Variants in AMBRA1 observed in about 807,000 individuals in gnomAD.
AMBRA1 encodes the protein autophagy and beclin 1 regulator 1, also known as activating molecule in BECN1-regulated autophagy protein 1.
AMBRA1 carries 47 observed loss-of-function variants against 125.4 expected under a neutral mutation model. The ratio of observed to expected loss-of-function variants is 0.37; its 90% CI spans 0.30 to 0.48. AMBRA1 has a LOEUF of 0.48. Among genes scored for constraint, AMBRA1 ranks in the 20% least tolerant of loss-of-function variants. The probability of loss-of-function intolerance (pLI) is 0.99; values close to 1 mark genes in which losing one functional copy is unlikely to be tolerated. For missense variants in AMBRA1, 1,331 were observed against 1,693.4 expected, an observed-to-expected ratio of 0.79 and a Z score of 3.76; for synonymous variants, 626 against 655.5, an observed-to-expected ratio of 0.95 and a Z score of 0.69.
At chr11:46,434,115 C>CAAAAAAAA (rs145761376) in intron 13 of AMBRA1, among the ~76,000 whole-genome samples, 240 of 52,496 alleles carry the variant, frequency 4.6e-3, no homozygotes, top group Middle Eastern at 0.017. Context: ...AACTCCGTCT[C>CAAAAAAAA]AAAAAAAAAA....
chr11:46,510,055 CT>C (rs1367510277), intron 8 of AMBRA1, among the ~76,000 whole-genome samples: 14 of 152,172 alleles, frequency 9.2e-5, no homozygotes, highest in African/African-American at 3.4e-4. Context: ...AGGTGGTATC[CT>C]TCTGGCCAAC....
rs1292683392 is a variant in AMBRA1, at chr11:46,474,956, C to T, written c.2521+18652G>A. On this transcript the variant is annotated intron_variant, in intron 11 of 17. Transcript: ENST00000683756. ...TTTTAAGGCTCAGCCTGACAAAGTC[C>T]GCATATATGTATAACATGAGGAGGA... 4.6e-5 allele frequency among the ~76,000 whole-genome samples: 7 copies of T among 152,152 alleles called. No homozygotes were observed. The East Asian group carries it at 5.8e-4, about 13-fold the overall frequency.
intron 1 of AMBRA1, among the ~76,000 whole-genome samples, chr11:46,569,240 CAA>C (rs1207336499): frequency 4.4e-5 from 3 of 68,664 alleles, no homozygotes; most frequent in Admixed American, 1.7e-4. Flanking sequence ...GAGGGAATCT[CAA>C]AAAAAAAAAA....
At chr11:46,485,500 G>C (rs1026995805) in intron 11 of AMBRA1, among the ~76,000 whole-genome samples, 8 of 152,346 alleles carry the variant, frequency 5.3e-5, no homozygotes, top group African/African-American at 1.9e-4. Flanking sequence ...AGGGGAATTA[G>C]TAAATTTTTA....
intron 11 of AMBRA1, among the ~76,000 whole-genome samples, chr11:46,446,213 A>T (rs1479766123): frequency 6.6e-6 from 1 of 152,172 alleles, no homozygotes; most frequent in Non-Finnish European, 1.5e-5. Context: ...TCATATAAAC[A>T]CAGATTAGGG....
At chr11:46,440,899 T>C (rs968775778) in intron 12 of AMBRA1, among the ~76,000 whole-genome samples, 1 of 152,152 alleles carries the variant, frequency 6.6e-6, no homozygotes, top group Non-Finnish European at 1.5e-5. Context: ...TCTTATAATA[T>C]CATACAGACA....
intron 7 of AMBRA1, chr11:46,530,739 G>A (rs933100821): frequency 1.3e-5 from 2 of 152,008 alleles, no homozygotes; most frequent in Non-Finnish European, 2.9e-5. Flanking sequence ...TATAACCTGC[G>A]GGCCAAAACC....
At chr11:46,429,542 C>G (rs1947349345) in intron 14 of AMBRA1, among the ~76,000 whole-genome samples, 1 of 152,196 alleles carries the variant, frequency 6.6e-6, no homozygotes, top group Non-Finnish European at 1.5e-5. Context: ...CCCTGAACCT[C>G]CCTGCCCAGT....
intron 17 of AMBRA1, among the ~76,000 whole-genome samples, chr11:46,400,473 G>GTGT (rs1945689946): frequency 2.0e-5 from 1 of 48,874 alleles, no homozygotes; most frequent in Non-Finnish European, 4.2e-5. Context: ...TCTTTCTATA[G>GTGT]TTTTTTTTTT....
intron 11 of AMBRA1, among the ~76,000 whole-genome samples, chr11:46,475,183 C>T (rs1442756440): frequency 1.3e-5 from 2 of 152,244 alleles, no homozygotes; most frequent in Non-Finnish European, 2.9e-5. Flanking sequence ...GGCAGGCAGC[C>T]TCCAGCGCCC....
intron 17 of AMBRA1, among the ~76,000 whole-genome samples, chr11:46,405,628 A>AAT (rs1320068162): frequency 6.6e-6 from 1 of 152,050 alleles, no homozygotes; most frequent in Non-Finnish European, 1.5e-5. Context: ...CAGTAGGCTG[A>AAT]GGCAGGAAGA....
chr11:46,440,441 A>G (rs933137593), intron 12 of AMBRA1, among the ~76,000 whole-genome samples: 7 of 152,202 alleles, frequency 4.6e-5, no homozygotes, highest in Non-Finnish European at 5.9e-5. Context: ...GGAACTGCTA[A>G]CAGTGGTTAC....
At chr11:46,400,900 G>A (rs1343046850) in intron 17 of AMBRA1, among the ~76,000 whole-genome samples, 2 of 152,076 alleles carry the variant, frequency 1.3e-5, no homozygotes, top group Non-Finnish European at 2.9e-5. Context: ...ACTTCCTCCT[G>A]GGACACCCGG....
chr11:46,559,054 C>A (rs777542062), intron 1 of AMBRA1, among the ~76,000 whole-genome samples: 1 of 152,166 alleles, frequency 6.6e-6, no homozygotes, highest in Non-Finnish European at 1.5e-5. Flanking sequence ...TAATCCAGCA[C>A]TTTGGGAGGC....
intron 5 of AMBRA1, among the ~76,000 whole-genome samples, chr11:46,544,371 T>C (rs1952896909): frequency 6.6e-6 from 1 of 152,160 alleles, no homozygotes; most frequent in African/African-American, 2.4e-5. Flanking sequence ...GCTCTCATAC[T>C]CTGCCACAGA....
chr11:46,433,424 C>T (rs780062309), intron 14 of AMBRA1, 50 bp downstream of exon 14: 1 of 1,595,300 alleles, frequency 6.3e-7, no homozygotes, highest in South Asian at 1.1e-5. Context: ...ATTACCCTTC[C>T]AAGCCTAGGG....
intron 11 of AMBRA1, among the ~76,000 whole-genome samples, chr11:46,478,648 C>CTTTTT (rs11449187): frequency 5.8e-4 from 48 of 82,154 alleles, no homozygotes; most frequent in African/African-American, 1.2e-3. Flanking sequence ...TCTTTTTTCT[C>CTTTTT]TTTTTTTTTT....
At position 46,494,167 on chromosome 11, in the gene AMBRA1, TGC is replaced by T; in HGVS notation, c.2375_2376del (p.Arg792GlnfsTer21). The T allele has an allele frequency of 6.2e-7, 1 of 1,608,296 alleles. No individual in the cohort carries two copies. The highest frequency in any genetic ancestry group is 8.5e-7 in the Non-Finnish European group (1 of 1,177,114). ...AGCGAAGGTGCAGACATCCGGGCAT[TGC>T]GTGGAGCTCGGTGCCTGGATCTGTC... ...NGDRSRHRAP[R>X]NARMSAPSLG... On this transcript the variant is annotated frameshift_variant, in exon 10 of 18. Transcript: ENST00000683756. LOFTEE classifies it high-confidence loss of function.
chr11:46,585,695 A>AAAAAAAATATAT (rs1555017410), intron 1 of AMBRA1, among the ~76,000 whole-genome samples: 1 of 22,912 alleles, frequency 4.4e-5, no homozygotes, highest in Non-Finnish European at 8.0e-5. Context: ...AAAAAAAAAA[A>AAAAAAAATATAT]ATATATATAT....
Sources: allele counts gnomAD v4.1 joint callset (sites outside exome capture counted in the v4.1 genomes callset), GRCh38; gene constraint gnomAD v4.1.1; transcripts MANE v1.5; gene names NCBI Gene and HGNC (gene_info 2026-07-23, HGNC 2026-07-21).